Variants in MEIKIN observed in about 807,000 individuals in gnomAD.
The protein encoded by MEIKIN is meiotic kinetochore factor.
intron 8 of MEIKIN, among the ~76,000 whole-genome samples, chr5:131,895,478 T>G (rs1317135802): frequency 5.3e-5 from 8 of 152,222 alleles, no homozygotes; most frequent in African/African-American, 1.7e-4. Context: ...AGCTCCTCTT[T>G]GTACCTCTGG....
chr5:131,861,045 A>AGC (rs1750277655), intron 9 of MEIKIN, among the ~76,000 whole-genome samples: 1 of 151,320 alleles, frequency 6.6e-6, no homozygotes, highest in African/African-American at 2.4e-5. Flanking sequence ...TACAGGCATG[A>AGC]GCCACCATGC....
intron 9 of MEIKIN, among the ~76,000 whole-genome samples, chr5:131,869,129 A>G (rs1247079752): frequency 1.3e-5 from 2 of 152,230 alleles, no homozygotes; most frequent in Non-Finnish European, 2.9e-5. Context: ...ATTTAGGTCC[A>G]TGACCCATTG....
intron 5 of MEIKIN, among the ~76,000 whole-genome samples, chr5:131,930,369 T>A (rs962617995): frequency 1.3e-5 from 2 of 152,238 alleles, no homozygotes; most frequent in African/African-American, 4.8e-5. Flanking sequence ...TTAAATTTCT[T>A]ATAGATTCTG....
At chr5:131,920,917 G>T (rs1234188314) in intron 6 of MEIKIN, among the ~76,000 whole-genome samples, 1 of 151,910 alleles carries the variant, frequency 6.6e-6, no homozygotes, top group Non-Finnish European at 1.5e-5. Context: ...GCCCAGGCTG[G>T]TCTCAAACTC....
At chr5:131,839,440 C>T (rs1241963732) in intron 11 of MEIKIN, among the ~76,000 whole-genome samples, 3 of 152,100 alleles carry the variant, frequency 2.0e-5, no homozygotes, top group African/African-American at 7.2e-5. Flanking sequence ...CTGTCTAATA[C>T]TGTCAGTGGG....
At chr5:131,924,346 G>C (rs1409525108) in intron 5 of MEIKIN, among the ~76,000 whole-genome samples, 2 of 152,122 alleles carry the variant, frequency 1.3e-5, no homozygotes, top group Non-Finnish European at 2.9e-5. Flanking sequence ...TTCACACAGG[G>C]ATTGATGGAC....
intron 10 of MEIKIN, among the ~76,000 whole-genome samples, chr5:131,852,206 A>G (rs1269367792): frequency 2.0e-5 from 3 of 152,070 alleles, no homozygotes; most frequent in Non-Finnish European, 4.4e-5. Context: ...AGGTGATTGA[A>G]TCATGGGGGT....
At chr5:131,831,430 G>T (rs968378089) in intron 11 of MEIKIN, among the ~76,000 whole-genome samples, 2 of 152,152 alleles carry the variant, frequency 1.3e-5, no homozygotes, top group Non-Finnish European at 2.9e-5. Context: ...GGTGCCACAT[G>T]CTTGTAGTCC....
intron 5 of MEIKIN, among the ~76,000 whole-genome samples, chr5:131,922,339 T>C (rs1370616428): frequency 6.6e-6 from 1 of 152,146 alleles, no homozygotes; most frequent in African/African-American, 2.4e-5. Flanking sequence ...ACTGAAAATA[T>C]TCAGGAAAAA....
intron 6 of MEIKIN, among the ~76,000 whole-genome samples, chr5:131,920,625 T>C (rs544851173): frequency 6.6e-6 from 1 of 152,284 alleles, no homozygotes; most frequent in East Asian, 1.9e-4. Flanking sequence ...ATGAACCCTT[T>C]GATATGATAT....
intron 11 of MEIKIN, among the ~76,000 whole-genome samples, chr5:131,819,463 AG>A: frequency 1.6e-4 from 1 of 6,180 alleles, no homozygotes; most frequent in South Asian, 4.9e-3. Context: ...AGGGGGAGGG[AG>A]GGGGAGGGGG....
At chr5:131,924,559 T>G (rs1467973725) in intron 5 of MEIKIN, among the ~76,000 whole-genome samples, 1 of 152,194 alleles carries the variant, frequency 6.6e-6, no homozygotes, top group East Asian at 1.9e-4. Context: ...TTGATTTGCA[T>G]GTTCCTGATG....
intron 8 of MEIKIN, among the ~76,000 whole-genome samples, chr5:131,898,815 T>C (rs965160304): frequency 2.0e-5 from 3 of 152,222 alleles, no homozygotes; most frequent in Admixed American, 6.5e-5. Context: ...GTCCCGTTTT[T>C]CCATGTACAG....
intron 12 of MEIKIN, among the ~76,000 whole-genome samples, chr5:131,816,511 C>A (rs1773104091): frequency 6.6e-6 from 1 of 152,212 alleles, no homozygotes; most frequent in South Asian, 2.1e-4. Flanking sequence ...GAGTTTCCAG[C>A]CTGCCATACA....
At chr5:131,935,315 A>G (rs59074416) in intron 4 of MEIKIN, among the ~76,000 whole-genome samples, 265 of 151,542 alleles carry the variant, frequency 1.7e-3, no homozygotes, top group African/African-American at 6.1e-3. Flanking sequence ...CAGAATATGA[A>G]GAACTATGAA....
chr5:131,903,794 C>A (rs1751198940), intron 8 of MEIKIN, among the ~76,000 whole-genome samples: 1 of 151,970 alleles, frequency 6.6e-6, no homozygotes, highest in Non-Finnish European at 1.5e-5. Flanking sequence ...TCAATACTAA[C>A]CTTGAATGTA....
At chr5:131,866,419 G>A (rs563406645) in intron 9 of MEIKIN, among the ~76,000 whole-genome samples, 1 of 152,240 alleles carries the variant, frequency 6.6e-6, no homozygotes, top group African/African-American at 2.4e-5. Context: ...GATGCTGGCG[G>A]TGGCATGCAG....
intron 9 of MEIKIN, among the ~76,000 whole-genome samples, chr5:131,872,962 AC>A (rs1464083069): frequency 6.6e-6 from 1 of 152,236 alleles, no homozygotes; most frequent in African/African-American, 2.4e-5. Context: ...AGATGTTGTC[AC>A]CACCAGGCCT....
rs1751341590 is a variant in MEIKIN, at chr5:131,912,019, G to T, written c.639-140C>A. 4 of 381,340 alleles carry T rather than the reference G, an allele frequency of 1.0e-5. No homozygotes were observed. In the South Asian group the frequency reaches 5.8e-4, roughly 55 times the overall value. 23.6% of individuals were successfully genotyped at this position (381,340 alleles called of 1,614,324 possible). Reference sequence around the variant, plus strand: ...AAAATATACAGTTGCTTAGAAAAATGTTATGGTATTTATATGAACAAATAG... The same window carrying T: ...AAAATATACAGTTGCTTAGAAAAATTTTATGGTATTTATATGAACAAATAG... On this transcript the variant is annotated intron_variant, in intron 7 of 12. Coordinates refer to ENST00000442687, the MANE Select transcript of MEIKIN (RefSeq NM_001303622.2).
Sources: gnomAD v4.1 joint callset for allele counts (sites outside exome capture counted in the v4.1 genomes callset) on GRCh38, gnomAD v4.1.1 for gene constraint, MANE v1.5 for transcripts, NCBI Gene and HGNC (gene_info 2026-07-23, HGNC 2026-07-21) for gene names.